The following CSMD3 variants were observed in gnomAD, a reference collection of about 807,000 sequenced individuals.
CSMD3 encodes CUB and Sushi multiple domains 3.
Under a neutral mutation model 435.2 loss-of-function variants are expected in CSMD3, and 177 were observed. The observed-to-expected ratio is 0.41, with a 90% CI of 0.36 to 0.46. The LOEUF is 0.46. Among genes scored for constraint, CSMD3 ranks in the 20% least tolerant of loss-of-function variants. CSMD3 has a pLI of 0.34. For synonymous variants in CSMD3, 1,656 were observed against 1,520.5 expected (o/e 1.09, Z -2.07); for missense variants, 4,265 against 4,504.6 (o/e 0.95, Z 1.52).
chr8:112,762,447 C>A (rs1353132691), intron 13 of CSMD3, among the ~76,000 whole-genome samples: 1 of 151,860 alleles, frequency 6.6e-6, no homozygotes, highest in Non-Finnish European at 1.5e-5. Flanking sequence ...ATAGTTTAAG[C>A]TAGGCAACAG....
intron 10 of CSMD3, among the ~76,000 whole-genome samples, chr8:112,903,151 C>CAAAAA (rs763330055): frequency 0.06 from 3,018 of 50,266 alleles, 3 homozygotes; most frequent in East Asian, 0.11. Context: ...GCAGTCTTGG[C>CAAAAA]AAAAAAAAAA....
At position 112,929,377 on chromosome 8, in the gene CSMD3, T is replaced by TA. The variant is rs201553763; in HGVS notation, c.1509-7627dup. On this transcript the variant is annotated intron_variant, in intron 9 of 70. Transcript: ENST00000297405. ...ATGTACCCTAAAACTTAAAGCATAA[T>TA]AAAAAAAAAATTAAAAAAAAAAGAT... Among the ~76,000 whole-genome samples the TA allele has an allele frequency of 2.0e-3, 248 of 124,036 alleles. 1 individual carries two copies. The highest frequency in any genetic ancestry group is 6.8e-3 in the African/African-American group (230 of 33,930). 81.4% of individuals were successfully genotyped at this position (124,036 alleles called of 152,430 possible).
At chr8:112,872,886 G>A (rs929091374) in intron 10 of CSMD3, among the ~76,000 whole-genome samples, 2 of 151,950 alleles carry the variant, frequency 1.3e-5, no homozygotes, top group African/African-American at 4.8e-5. Context: ...AGGTCATCCA[G>A]GAGGGAAGGA....
intron 32 of CSMD3, among the ~76,000 whole-genome samples, chr8:112,432,860 G>A (rs1813859463): frequency 6.6e-6 from 1 of 151,000 alleles, no homozygotes; most frequent in Non-Finnish European, 1.5e-5. Context: ...AGGATGTCTT[G>A]AGCCCAGGAG....
intron 35 of CSMD3, among the ~76,000 whole-genome samples, chr8:112,398,796 A>G (rs747326602): frequency 6.6e-6 from 1 of 152,186 alleles, no homozygotes; most frequent in African/African-American, 2.4e-5. Flanking sequence ...GTTTTGGACA[A>G]TAGGTCCTGG....
At chr8:112,710,596 G>C (rs1259375767) in intron 13 of CSMD3, among the ~76,000 whole-genome samples, 1 of 151,652 alleles carries the variant, frequency 6.6e-6, no homozygotes, top group Non-Finnish European at 1.5e-5. Flanking sequence ...TTGTATTAAG[G>C]TTTGGAGTAA....
chr8:112,280,081 T>C (rs921856860), intron 59 of CSMD3, among the ~76,000 whole-genome samples: 2 of 152,134 alleles, frequency 1.3e-5, no homozygotes, highest in African/African-American at 4.8e-5. Context: ...AAAAGGGGAT[T>C]ATCTCACCCA....
At chr8:112,796,214 C>T (rs2078826132) in intron 13 of CSMD3, among the ~76,000 whole-genome samples, 1 of 152,036 alleles carries the variant, frequency 6.6e-6, no homozygotes. Flanking sequence ...AGAATGAAGT[C>T]AGTAAACTCA....
At chr8:112,707,150 C>T (rs1272613686) in intron 13 of CSMD3, among the ~76,000 whole-genome samples, 1 of 151,964 alleles carries the variant, frequency 6.6e-6, no homozygotes, top group Non-Finnish European at 1.5e-5. Flanking sequence ...CCAATAGTCA[C>T]CATCAAAAAC....
intron 13 of CSMD3, among the ~76,000 whole-genome samples, chr8:112,777,171 A>C (rs1418638306): frequency 6.6e-6 from 1 of 151,910 alleles, no homozygotes; most frequent in African/African-American, 2.4e-5. Flanking sequence ...CGTGTTATTG[A>C]TAAAATTCAG....
intron 10 of CSMD3, among the ~76,000 whole-genome samples, chr8:112,911,333 C>T (rs2082405374): frequency 1.3e-5 from 2 of 151,910 alleles, no homozygotes; most frequent in East Asian, 1.9e-4. Flanking sequence ...TATTTGTCTA[C>T]TTGTGAAAAA....
At chr8:112,244,346 C>T (rs1045641923) in intron 65 of CSMD3, 48 bp downstream of exon 65, 1 of 1,473,764 alleles carries the variant, frequency 6.8e-7, no homozygotes, top group Non-Finnish European at 9.5e-7. Context: ...CAAAGGAAAG[C>T]AATAGTGCAA....
At chr8:112,736,220 C>G (rs2077182435) in intron 13 of CSMD3, among the ~76,000 whole-genome samples, 1 of 152,012 alleles carries the variant, frequency 6.6e-6, no homozygotes, top group Non-Finnish European at 1.5e-5. Flanking sequence ...AAGTTTCCCC[C>G]GTGTATTTCT....
intron 13 of CSMD3, among the ~76,000 whole-genome samples, chr8:112,745,917 G>T (rs1179804950): frequency 6.6e-6 from 1 of 151,986 alleles, no homozygotes; most frequent in South Asian, 2.1e-4. Flanking sequence ...GAAACATTTT[G>T]CTAATTTTTT....
chr8:112,778,323 G>A (rs1042781651), intron 13 of CSMD3, among the ~76,000 whole-genome samples: 4 of 151,846 alleles, frequency 2.6e-5, no homozygotes, highest in Non-Finnish European at 5.9e-5. Context: ...GTCATATTAT[G>A]TATCATAGCT....
intron 23 of CSMD3, among the ~76,000 whole-genome samples, chr8:112,585,050 T>C (rs189276899): frequency 3.2e-4 from 48 of 151,688 alleles, no homozygotes; most frequent in Non-Finnish European, 5.6e-4. Context: ...GTTGGATTAA[T>C]GGGAAGAATG....
intron 1 of CSMD3, among the ~76,000 whole-genome samples, chr8:113,395,382 C>A (rs947029793): frequency 2.0e-5 from 3 of 151,842 alleles, no homozygotes; most frequent in Admixed American, 6.6e-5. Context: ...CTGAGGCGGG[C>A]GGATCATGAG....
chr8:112,624,121 T>G (rs1260003454), intron 22 of CSMD3, among the ~76,000 whole-genome samples: 1 of 152,096 alleles, frequency 6.6e-6, no homozygotes, highest in Admixed American at 6.6e-5. Context: ...AAGAAAAGAA[T>G]AATTTTAATG....
At chr8:113,074,697 C>G (rs562422880) in intron 5 of CSMD3, among the ~76,000 whole-genome samples, 33 of 151,852 alleles carry the variant, frequency 2.2e-4, no homozygotes, top group African/African-American at 7.7e-4. Context: ...ATTTTATGAC[C>G]ATGAAGTTTC....
Sources: gnomAD v4.1 joint callset for allele counts (sites outside exome capture counted in the v4.1 genomes callset) on GRCh38, gnomAD v4.1.1 for gene constraint, MANE v1.5 for transcripts, NCBI Gene and HGNC (gene_info 2026-07-23, HGNC 2026-07-21) for gene names.